The following TNFRSF10B variants were observed in gnomAD, a reference collection of about 807,000 sequenced individuals.
TNFRSF10B encodes TNF receptor superfamily member 10b.
TNFRSF10B carries 35 observed loss-of-function variants against 41.4 expected under a neutral mutation model. The ratio of observed to expected loss-of-function variants is 0.85; its 90% CI spans 0.65 to 1.12. The LOEUF (loss-of-function observed/expected upper bound fraction) is 1.12. TNFRSF10B is among the 50% of genes most tolerant of loss of function. The pLI, the probability that TNFRSF10B is intolerant of heterozygous loss-of-function variation, is 0.00. For synonymous variants in TNFRSF10B, 230 were observed against 215.5 expected, an observed-to-expected ratio of 1.07 and a Z score of -0.59; for missense variants, 584 against 552.7, an observed-to-expected ratio of 1.06 and a Z score of -0.57.
intron 1 of TNFRSF10B, among the ~76,000 whole-genome samples, chr8:23,059,683 A>ATT (rs113904198): frequency 6.7e-6 from 1 of 149,730 alleles, no homozygotes. Context: ...ATTTTTTTGT[A>ATT]TTTTTTTTTT....
intron 1 of TNFRSF10B, among the ~76,000 whole-genome samples, chr8:23,060,496 G>A (rs1045670417): frequency 2.2e-4 from 33 of 152,070 alleles, no homozygotes; most frequent in South Asian, 2.1e-4. Flanking sequence ...TCCACTGATC[G>A]ATTTATCTGC....
At chr8:23,068,730 G>A (rs1355908513) in intron 1 of TNFRSF10B, 21 bp downstream of exon 1, 5 of 1,561,610 alleles carry the variant, frequency 3.2e-6, no homozygotes, top group Non-Finnish European at 4.3e-6. Context: ...TCCCCAGCCA[G>A]GGACCGCGGC....
At chr8:23,055,674 T>A (rs2128819442) in intron 1 of TNFRSF10B, among the ~76,000 whole-genome samples, 1 of 152,180 alleles carries the variant, frequency 6.6e-6, no homozygotes, top group South Asian at 2.1e-4. Flanking sequence ...TAAACAAGTT[T>A]TATTGGGGGT....
intron 2 of TNFRSF10B, among the ~76,000 whole-genome samples, chr8:23,038,141 C>T (rs1364772472): frequency 6.6e-6 from 1 of 152,182 alleles, no homozygotes. Context: ...ACTGTTATTC[C>T]ACAATGGACG....
At chr8:23,067,445 TA>T (rs34205181) in intron 1 of TNFRSF10B, among the ~76,000 whole-genome samples, 36 of 147,758 alleles carry the variant, frequency 2.4e-4, no homozygotes, top group Non-Finnish European at 2.5e-4. Flanking sequence ...TTTATAGAGA[TA>T]AAAAAAAAAC....
intron 1 of TNFRSF10B, among the ~76,000 whole-genome samples, chr8:23,057,975 A>C (rs186342985): frequency 2.1e-3 from 313 of 152,274 alleles, no homozygotes; most frequent in African/African-American, 7.4e-3. Flanking sequence ...GGCTGGGCAC[A>C]ATGGTTCATG....
intron 1 of TNFRSF10B, among the ~76,000 whole-genome samples, chr8:23,054,250 G>T (rs1047198743): frequency 2.0e-5 from 3 of 152,210 alleles, no homozygotes; most frequent in Non-Finnish European, 4.4e-5. Flanking sequence ...GGAATTAACT[G>T]CATGAACTGA....
chr8:23,025,912 C>A (rs1640250586), intron 7 of TNFRSF10B, among the ~76,000 whole-genome samples: 1 of 152,088 alleles, frequency 6.6e-6, no homozygotes, highest in Admixed American at 6.5e-5. Context: ...CTCGTCTCTA[C>A]AAAAAATACA....
At chr8:23,053,437 A>AT (rs1228641688) in intron 1 of TNFRSF10B, among the ~76,000 whole-genome samples, 1 of 152,184 alleles carries the variant, frequency 6.6e-6, no homozygotes, top group Non-Finnish European at 1.5e-5. Context: ...GAATGTGGAT[A>AT]TTTTTTACTA....
chr8:23,035,539 G>A (rs1335147248), intron 2 of TNFRSF10B, among the ~76,000 whole-genome samples: 1 of 152,166 alleles, frequency 6.6e-6, no homozygotes, highest in East Asian at 1.9e-4. Context: ...CGAGCAAGAA[G>A]TAGCAACTAT....
chr8:23,068,669 C>T, intron 1 of TNFRSF10B, 82 bp downstream of exon 1: 1 of 1,513,078 alleles, frequency 6.6e-7, no homozygotes, highest in Non-Finnish European at 8.8e-7. Flanking sequence ...GCCACGCACC[C>T]CCGCCGTGTC....
rs755758498 is a variant in TNFRSF10B at position 23,022,575 on chromosome 8, C to T, written c.*96G>A. The T allele has an allele frequency of 7.4e-7, 1 of 1,346,958 alleles. No individual in the cohort carries two copies. Among genetic ancestry groups the T allele is most frequent in the Non-Finnish European group, 1.1e-6 (1 of 951,372 alleles). The allele number at this position is 1,346,958 out of a possible 1,614,324, so 83.4% of individuals were successfully genotyped here. A position where few individuals can be genotyped will look rare whatever the true frequency, so the allele number is the denominator to read the frequency against. On this transcript the variant is annotated 3_prime_UTR_variant, in exon 9 of 9. Coordinates refer to ENST00000276431, the MANE Select transcript of TNFRSF10B (RefSeq NM_003842.5). ...GTTTCTTCCAGTACCGGTCATGTGA[C>T]AATTGTGGCACTTTCCTACTGACTG...
At chr8:23,023,059 GA>G (rs1192828999) in intron 8 of TNFRSF10B, 75 bp from the exon 9 acceptor site, 13 of 1,562,410 alleles carry the variant, frequency 8.3e-6, no homozygotes, top group African/African-American at 1.3e-5. Flanking sequence ...ATCAGGCCCA[GA>G]ACCCAAGGCG....
chr8:23,029,518 C>G (rs560863379), intron 4 of TNFRSF10B, 92 bp downstream of exon 4: 2 of 1,270,366 alleles, frequency 1.6e-6, no homozygotes, highest in South Asian at 2.5e-5. Flanking sequence ...ATGCCCCTTG[C>G]GGGTGCTGTC....
In TNFRSF10B at chr8:23,021,481, T is replaced by C. The variant is rs1374618864; in HGVS notation, c.*1190A>G. On this transcript the variant is annotated 3_prime_UTR_variant, in exon 9 of 9. Coordinates refer to ENST00000276431, the MANE Select transcript of TNFRSF10B (RefSeq NM_003842.5). ...TGCCATGGCAGACGTGGGAGACAGATTTTGTCTTCTATCTCCTGAGCCCAA... is the reference window on the plus strand; with the variant it reads ...TGCCATGGCAGACGTGGGAGACAGACTTTGTCTTCTATCTCCTGAGCCCAA... 2.2e-6 allele frequency: 1 copy of C among 454,114 alleles called. No homozygotes were observed. Among genetic ancestry groups the C allele is most frequent in the African/African-American group, 2.0e-5 (1 of 50,122 alleles). 28.1% of individuals were successfully genotyped at this position (454,114 alleles called of 1,614,324 possible).
In TNFRSF10B at chr8:23,024,278, G is replaced by A. The variant is rs754801709; in HGVS notation, c.937-18C>T. 6.2e-7 allele frequency: 1 copy of A among 1,613,880 alleles called. No homozygotes were observed. Among genetic ancestry groups the A allele is most frequent in the African/African-American group, 1.3e-5 (1 of 75,018 alleles). On this transcript the variant is annotated intron_variant, in intron 7 of 8. Coordinates refer to ENST00000276431, the MANE Select transcript of TNFRSF10B (RefSeq NM_003842.5). ...GCCGGTTCCTGTAACACATAGTGGG[G>A]AATGTCCTGGTCAGAGCCAGGAGTC...
intron 7 of TNFRSF10B, among the ~76,000 whole-genome samples, chr8:23,026,120 T>C (rs900407050): frequency 2.0e-5 from 3 of 152,268 alleles, no homozygotes; most frequent in African/African-American, 7.2e-5. Context: ...GGAGGAAGTA[T>C]TGGCATTGTT....
chr8:23,030,993 C>T lies in TNFRSF10B; in HGVS notation c.251-121G>A, dbSNP rs146597870. On this transcript the variant is annotated intron_variant, in intron 2 of 8. Transcript: ENST00000276431. ...AACCAAAAGAGGGAAATCTCCTCTA[C>T]CTAGCTTGGTCAGTTCATCAATTCT... is the stretch of plus-strand genomic sequence containing the variant. The T allele has an allele frequency of 9.8e-5, 71 of 727,292 alleles. No homozygotes were observed. In the East Asian group the frequency reaches 1.8e-3, roughly 18 times the overall value. The allele number at this position is 727,292 out of a possible 1,614,324, so 45.1% of individuals were successfully genotyped here.
At chr8:23,038,929 A>T (rs1294695820) in intron 2 of TNFRSF10B, among the ~76,000 whole-genome samples, 1 of 152,014 alleles carries the variant, frequency 6.6e-6, no homozygotes, top group Non-Finnish European at 1.5e-5. Flanking sequence ...AGCATGTTAC[A>T]TTTATTGTGC....
Sources: allele counts gnomAD v4.1 joint callset (sites outside exome capture counted in the v4.1 genomes callset), GRCh38; gene constraint gnomAD v4.1.1; transcripts MANE v1.5; gene names NCBI Gene and HGNC (gene_info 2026-07-23, HGNC 2026-07-21).